ASH2L: variants seen among roughly 807,000 people sequenced by gnomAD.
The protein encoded by ASH2L is set1/Ash2 histone methyltransferase complex subunit ASH2.
Under a neutral mutation model 81.1 loss-of-function variants are expected in ASH2L, and 30 were observed. The observed-to-expected ratio is 0.37, with a 90% CI of 0.28 to 0.50. The LOEUF is 0.50. Ranked by LOEUF, ASH2L falls within the 20% of genes least tolerant of loss-of-function variation. ASH2L has a pLI of 0.95. For missense variants in ASH2L, 559 were observed against 792.1 expected (o/e 0.71, Z 3.53); for synonymous variants, 273 against 279.9 (o/e 0.98, Z 0.24).
At chr8:38,107,376 G>T (rs1173321918) in intron 3 of ASH2L, among the ~76,000 whole-genome samples, 1 of 152,130 alleles carries the variant, frequency 6.6e-6, no homozygotes, top group Admixed American at 6.6e-5. Context: ...ATACAATGGT[G>T]GGTATTGCCC....
intron 12 of ASH2L, among the ~76,000 whole-genome samples, chr8:38,131,662 A>G (rs1802062654): frequency 6.6e-6 from 1 of 152,152 alleles, no homozygotes; most frequent in East Asian, 1.9e-4. Flanking sequence ...AAATAAATAA[A>G]TAAATAATTT....
At position 38,105,544 on chromosome 8, in the gene ASH2L, G is replaced by A; in HGVS notation, c.-7G>A. On this transcript the variant is annotated 5_prime_UTR_variant, in exon 1 of 16. Transcript: ENST00000343823. ...GTATTCTCGCGAGAAGTCCAGGGGTGGCCGTGATGGCGGCGGCAGGAGCAG... is the reference window on the plus strand; with the variant it reads ...GTATTCTCGCGAGAAGTCCAGGGGTAGCCGTGATGGCGGCGGCAGGAGCAG... 6.4e-7 allele frequency: 1 copy of A among 1,557,280 alleles called. No individual in the cohort carries two copies. The highest frequency in any genetic ancestry group is 8.7e-7 in the Non-Finnish European group (1 of 1,149,944).
chr8:38,121,115 G>A lies in ASH2L; in HGVS notation c.1131G>A (p.Leu377=), dbSNP rs779162084. The change falls in exon 10 of 16, where the codon TTG becomes TTA. Residue 377 remains leucine (L), a synonymous_variant. Transcript: ENST00000343823. ...CTGGAGACCTCTACAGAGCCTGCTT[G>A]TATGAACGGGTTTTGTTAGCCCTAC... ...PIPGDLYRAC[L]YERVLLALHD... 5 of 1,613,578 alleles carry A rather than the reference G, an allele frequency of 3.1e-6. No homozygotes were observed. Among genetic ancestry groups the A allele is most frequent in the Non-Finnish European group, 4.2e-6 (5 of 1,179,900 alleles).
intron 5 of ASH2L, among the ~76,000 whole-genome samples, chr8:38,112,712 G>T (rs1177730167): frequency 6.6e-6 from 1 of 152,102 alleles, no homozygotes; most frequent in African/African-American, 2.4e-5. Context: ...TTTTATCTTT[G>T]TGCTAAGTAA....
chr8:38,127,949 G>A (rs1389251030), intron 10 of ASH2L, among the ~76,000 whole-genome samples: 3 of 152,006 alleles, frequency 2.0e-5, no homozygotes, highest in Non-Finnish European at 4.4e-5. Flanking sequence ...GGGAGGCTGA[G>A]GCAGGAAAAT....
chr8:38,132,788 G>C (rs1585606896), intron 12 of ASH2L, among the ~76,000 whole-genome samples: 1 of 136,852 alleles, frequency 7.3e-6, no homozygotes, highest in African/African-American at 2.8e-5. Flanking sequence ...GACAGAGTGA[G>C]ACTGTCTCAA....
chr8:38,128,577 G>A, intron 11 of ASH2L, 119 bp downstream of exon 11: 1 of 1,475,698 alleles, frequency 6.8e-7, no homozygotes, highest in Non-Finnish European at 9.1e-7. Context: ...TTCAGTTCCT[G>A]AGGGTTGAGC....
chr8:38,139,017 G>A lies in ASH2L; in HGVS notation c.1833G>A (p.Leu611=). The part of the protein sequence containing the change: ...AVVEHTLADV[L]YHVETEVDGR... ...TAGAGCACACCCTGGCTGACGTCTT[G>A]TATCACGTGGAGACAGAAGTGGATG... The change falls in exon 16 of 16, where the codon TTG becomes TTA. Residue 611 remains leucine, a synonymous_variant. Transcript: ENST00000343823. 5.6e-6 allele frequency: 9 copies of A among 1,612,202 alleles called. 1 individual carries two copies. The South Asian group carries it at 9.9e-5, about 18-fold the overall frequency.
In ASH2L at chr8:38,116,731, TG is replaced by T. The variant is rs747904265; in HGVS notation, c.853+7del. The stretch of plus-strand genomic sequence containing the variant: ...TACTAGTGGGAATTTAAATGGTAAG[TG>T]TTTACATATCTCATTGCTGAAATAT... On this transcript the variant is annotated splice_region_variant and intron_variant, in intron 8 of 15. Coordinates refer to ENST00000343823, the MANE Select transcript of ASH2L (RefSeq NM_004674.5). 2 of 1,606,844 alleles carry T rather than the reference TG, an allele frequency of 1.2e-6. No homozygotes were observed. Among genetic ancestry groups the T allele is most frequent in the South Asian group, 2.2e-5 (2 of 90,580 alleles).
chr8:38,130,426 G>A (rs1264892808), intron 12 of ASH2L, among the ~76,000 whole-genome samples: 2 of 149,932 alleles, frequency 1.3e-5, no homozygotes, highest in Non-Finnish European at 3.0e-5. Flanking sequence ...AGGAACCAAA[G>A]TTTTAGTTTT....
In ASH2L at chr8:38,107,216, GA is replaced by G. The variant is rs766851936; in HGVS notation, c.401+52del. 56 of 1,606,114 alleles carry G rather than the reference GA, an allele frequency of 3.5e-5. 2 individuals are homozygous for G. The South Asian group carries it at 6.2e-4, about 18-fold the overall frequency. ...GAGAATTGCTCGGTAAAATAAATCTGAACATGCTCAACAGTTACTTTGTGGG... is the reference window on the plus strand; with the variant it reads ...GAGAATTGCTCGGTAAAATAAATCTGACATGCTCAACAGTTACTTTGTGGG... On this transcript the variant is annotated intron_variant, in intron 3 of 15. Coordinates refer to ENST00000343823, the MANE Select transcript of ASH2L (RefSeq NM_004674.5).
upstream of ASH2L, chr8:38,105,512 G>C (rs910344040): frequency 6.6e-7 from 1 of 1,508,184 alleles, no homozygotes; most frequent in Non-Finnish European, 8.9e-7. Context: ...GCGCGCGAGA[G>C]AAGAGAGTAT....
chr8:38,122,104 A>G lies in ASH2L; in HGVS notation c.1165+955A>G, dbSNP rs113572565. On this transcript the variant is annotated intron_variant, in intron 10 of 15. Transcript: ENST00000343823. ...TATTTATATCAGTATGGACTCATAT[A>G]TATTTACTTTATTTCAGGGAGTATA... 6.8e-3 allele frequency among the ~76,000 whole-genome samples: 1,033 copies of G among 152,232 alleles called. 10 individuals carry two copies. The highest frequency in any genetic ancestry group is 0.024 in the African/African-American group (992 of 41,534).
intron 14 of ASH2L, among the ~76,000 whole-genome samples, chr8:38,137,262 A>G (rs1466451175): frequency 2.7e-5 from 4 of 150,866 alleles, no homozygotes; most frequent in Admixed American, 1.3e-4. Flanking sequence ...TTAGCCGGGC[A>G]TCGGCCGGGT....
At chr8:38,109,555 T>C (rs998917820) in intron 3 of ASH2L, among the ~76,000 whole-genome samples, 1 of 152,218 alleles carries the variant, frequency 6.6e-6, no homozygotes, top group Non-Finnish European at 1.5e-5. Flanking sequence ...ATCACTACCA[T>C]GTTTCTCTTC....
intron 10 of ASH2L, among the ~76,000 whole-genome samples, chr8:38,123,896 A>G (rs1254384423): frequency 6.6e-6 from 1 of 152,170 alleles, no homozygotes; most frequent in East Asian, 1.9e-4. Context: ...GCTAGAAGGC[A>G]GTGGCGTGAT....
Position 38,139,105 on chromosome 8 carries a change from G to A in ASH2L, c.*34G>A. On this transcript the variant is annotated 3_prime_UTR_variant, in exon 16 of 16. Transcript: ENST00000343823. ...CTCTTTTCTGTCAAGGACTTTCTGG[G>A]AATAATACTGGGGGTTTTGTTTTTG... The A allele has an allele frequency of 6.8e-7, 1 of 1,473,500 alleles. No individual in the cohort carries two copies. The highest frequency in any genetic ancestry group is 1.2e-5 in the South Asian group (1 of 81,140). The allele number at this position is 1,473,500 out of a possible 1,614,324, so 91.3% of individuals were successfully genotyped here.
At chr8:38,108,875 T>G (rs1241694422) in intron 3 of ASH2L, among the ~76,000 whole-genome samples, 1 of 152,124 alleles carries the variant, frequency 6.6e-6, no homozygotes, top group Non-Finnish European at 1.5e-5. Flanking sequence ...AGCCCAGGAC[T>G]TCGAGACTAG....
At chr8:38,129,476 A>G (rs1801973213) in intron 12 of ASH2L, among the ~76,000 whole-genome samples, 1 of 152,130 alleles carries the variant, frequency 6.6e-6, no homozygotes, top group African/African-American at 2.4e-5. Context: ...ACAAAAGACT[A>G]AAAAAGTGCC....
Sources: allele counts gnomAD v4.1 joint callset (sites outside exome capture counted in the v4.1 genomes callset), GRCh38; gene constraint gnomAD v4.1.1; transcripts MANE v1.5; gene names NCBI Gene and HGNC (gene_info 2026-07-23, HGNC 2026-07-21).